Variants in ATAD2B observed in about 807,000 individuals in gnomAD.
The protein encoded by ATAD2B is ATPase family AAA domain containing 2B.
In ATAD2B, 40 loss-of-function variants were observed where a neutral mutation model predicts 167.6. The observed-to-expected ratio is 0.24, with a 90% confidence interval of 0.19 to 0.31. The LOEUF (loss-of-function observed/expected upper bound fraction) is 0.31. Ranked by LOEUF, ATAD2B falls within the 10% of genes least tolerant of loss-of-function variation. The probability of loss-of-function intolerance (pLI) is 1.00; values close to 1 mark genes in which losing one functional copy is unlikely to be tolerated. For synonymous variants in ATAD2B, 579 were observed against 596.5 expected, an observed-to-expected ratio of 0.97 and a Z score of 0.43; for missense variants, 1,242 against 1,757.2, an observed-to-expected ratio of 0.71 and a Z score of 5.24.
intron 18 of ATAD2B, among the ~76,000 whole-genome samples, chr2:23,806,623 G>A (rs1284625549): frequency 1.3e-5 from 2 of 151,884 alleles, no homozygotes; most frequent in Admixed American, 6.6e-5. Flanking sequence ...ATTATAATTA[G>A]AACTGTACTT....
rs762203718 is a variant in ATAD2B at position 23,788,495 on chromosome 2, G to A, written c.2776+17C>T. 1.9e-6 allele frequency: 3 copies of A among 1,610,424 alleles called. No homozygotes were observed. The highest frequency in any genetic ancestry group is 3.4e-5 in the Admixed American group (2 of 59,488). ...ACTCCATCCCTCCCATTTTCCTAAA[G>A]GCTTTACAAACTTTACCAGCATGTT... On this transcript the variant is annotated intron_variant, in intron 20 of 27. Transcript: ENST00000238789.
intron 10 of ATAD2B, chr2:23,865,857 A>T: frequency 4.0e-6 from 1 of 253,146 alleles, no homozygotes; most frequent in African/African-American, 2.3e-5. Flanking sequence ...TAATAGTTTA[A>T]ATAGCTAGAA....
chr2:23,678,266 C>T, the ATAD2B span, among the ~76,000 whole-genome samples: 2 of 152,186 alleles, frequency 1.3e-5, no homozygotes, highest in Non-Finnish European at 2.9e-5. Context: ...TGCCACTTGC[C>T]GCTGCATCCA....
chr2:23,900,105 A>G lies in ATAD2B; in HGVS notation c.217-4135T>C, dbSNP rs557138732. Among the ~76,000 whole-genome samples, 28 of 151,252 alleles carry G rather than the reference A, an allele frequency of 1.9e-4. No homozygotes were observed. The East Asian group carries it at 5.4e-3, about 29-fold the overall frequency. On this transcript the variant is annotated intron_variant, in intron 1 of 27. Transcript: ENST00000238789. ...GCTAATTTTTGTATTTTTAGTAGAG[A>G]CAGCGTTTCACTGTGTTGGCCAGGC...
the ATAD2B span, among the ~76,000 whole-genome samples, chr2:23,711,694 G>T: frequency 6.6e-6 from 1 of 152,080 alleles, no homozygotes; most frequent in African/African-American, 2.4e-5. Flanking sequence ...TTCAGTCTGA[G>T]ATTCTCTTTT....
the ATAD2B span, among the ~76,000 whole-genome samples, chr2:23,736,434 A>G: frequency 6.6e-6 from 1 of 152,222 alleles, no homozygotes; most frequent in Non-Finnish European, 1.5e-5. Context: ...ACAAACAGGA[A>G]AAGCAACTTG....
intron 22 of ATAD2B, among the ~76,000 whole-genome samples, chr2:23,766,920 G>A (rs201930371): frequency 9.6e-4 from 139 of 144,146 alleles, no homozygotes; most frequent in African/African-American, 9.7e-4. Context: ...AGTAAGGGGG[G>A]AAAAAAAAAA....
intron 19 of ATAD2B, among the ~76,000 whole-genome samples, chr2:23,792,990 A>AAAC (rs1682041894): frequency 6.7e-6 from 1 of 148,950 alleles, no homozygotes; most frequent in Non-Finnish European, 1.5e-5. Context: ...AAAAAAAAAA[A>AAAC]CTTGAGAAGA....
intron 6 of ATAD2B, among the ~76,000 whole-genome samples, chr2:23,883,393 A>G (rs979958161): frequency 2.6e-5 from 4 of 152,204 alleles, no homozygotes; most frequent in African/African-American, 9.6e-5. Context: ...CAACAAATAC[A>G]GTATTTATCT....
At chr2:23,722,614 G>A in the ATAD2B span, among the ~76,000 whole-genome samples, 5 of 152,058 alleles carry the variant, frequency 3.3e-5, no homozygotes, top group South Asian at 1.0e-3. Context: ...CATATTATGG[G>A]CATTCCAGGA....
chr2:23,808,147 TTA>T (rs546160129), intron 18 of ATAD2B, among the ~76,000 whole-genome samples: 168 of 71,092 alleles, frequency 2.4e-3, no homozygotes, highest in African/African-American at 0.01. Context: ...ATTACTTATA[TTA>T]TATGTTATTT....
At chr2:23,759,793 G>A (rs1676423937) in intron 24 of ATAD2B, among the ~76,000 whole-genome samples, 1 of 152,096 alleles carries the variant, frequency 6.6e-6, no homozygotes, top group South Asian at 2.1e-4. Context: ...TTAAAATCTG[G>A]TACACAGGCT....
rs536179400 is a variant in ATAD2B, at chr2:23,810,521, A to G, written c.2268-19T>C. The G allele has an allele frequency of 3.8e-6, 6 of 1,589,396 alleles. No homozygotes were observed. The highest frequency in any genetic ancestry group is 2.7e-5 in the African/African-American group (2 of 74,512). On this transcript the variant is annotated intron_variant, in intron 17 of 27. Coordinates refer to ENST00000238789, the MANE Select transcript of ATAD2B (RefSeq NM_017552.4). ...TGGTGACCTGTAATACATGTAAGAC[A>G]TAATTATTTCAAAGGCATACATTCT...
At chr2:23,903,939 T>TTGGTGG (rs370773440) in intron 1 of ATAD2B, among the ~76,000 whole-genome samples, 47 of 151,982 alleles carry the variant, frequency 3.1e-4, no homozygotes, top group Middle Eastern at 3.4e-3. Flanking sequence ...CCGGTTGTTG[T>TTGGTGG]TGGTGGTGGT....
In ATAD2B at chr2:23,754,711, T is replaced by G; in HGVS notation, c.4142A>C (p.Glu1381Ala). The change falls in exon 26 of 28, where the codon GAA becomes GCA. Residue 1381 changes from glutamate to alanine, a missense_variant. Glu to Ala is a moderately radical substitution (Grantham distance 107). Transcript: ENST00000238789. ...CTCAGATGGCTCTTCTGGAACCAGT[T>G]CCAGGCTTGTCGTTTTTGCCTGCTC... Reference protein sequence around the residue: ...ILEQAKTTSLELVPEEPSEPV... With the variant: ...ILEQAKTTSLALVPEEPSEPV... 1 of 1,613,096 alleles carries G rather than the reference T, an allele frequency of 6.2e-7. No individual in the cohort carries two copies. Among genetic ancestry groups the G allele is most frequent in the South Asian group, 1.1e-5 (1 of 91,042 alleles).
At chr2:23,797,496 C>G (rs1016168766) in intron 19 of ATAD2B, among the ~76,000 whole-genome samples, 1 of 152,082 alleles carries the variant, frequency 6.6e-6, no homozygotes, top group Non-Finnish European at 1.5e-5. Context: ...AATGACCCCA[C>G]AGATGATAAG....
chr2:23,862,194 CAA>C (rs762916583), intron 12 of ATAD2B, among the ~76,000 whole-genome samples: 13 of 114,446 alleles, frequency 1.1e-4, no homozygotes, highest in Admixed American at 2.8e-4. Context: ...GTGACCCTTT[CAA>C]AAAAAAAAAA....
intron 1 of ATAD2B, among the ~76,000 whole-genome samples, chr2:23,912,206 C>T (rs1359929622): frequency 2.6e-5 from 4 of 151,984 alleles, no homozygotes; most frequent in East Asian, 1.9e-4. Flanking sequence ...AAACTATAAA[C>T]GGAAAGTAGG....
chr2:23,826,045 T>C (rs1024644470), intron 15 of ATAD2B, among the ~76,000 whole-genome samples: 1 of 152,190 alleles, frequency 6.6e-6, no homozygotes, highest in African/African-American at 2.4e-5. Flanking sequence ...TACCAGTTTA[T>C]ATCTGTGGTT....
Sources: allele counts gnomAD v4.1 joint callset (sites outside exome capture counted in the v4.1 genomes callset), GRCh38; gene constraint gnomAD v4.1.1; transcripts MANE v1.5; gene names NCBI Gene and HGNC (gene_info 2026-07-23, HGNC 2026-07-21).